Variants in ALLC observed in about 807,000 individuals in gnomAD.
ALLC encodes the protein probable inactive allantoicase.
In ALLC, 40 loss-of-function variants were observed where a neutral mutation model predicts 45.0. That is an observed-to-expected ratio of 0.89 (90% confidence interval 0.69 to 1.16). The LOEUF is 1.16. Among genes scored for constraint, ALLC ranks in the 50% most tolerant of loss-of-function variants. ALLC has a pLI of 0.00. For missense variants in ALLC, 488 were observed against 493.1 expected (o/e 0.99, Z 0.10); for synonymous variants, 176 against 178.1 (o/e 0.99, Z 0.09).
intron 7 of ALLC, chr2:3,695,238 A>C (rs1408321593): frequency 6.2e-6 from 1 of 161,852 alleles, no homozygotes; most frequent in Non-Finnish European, 1.4e-5. Flanking sequence ...GAGACGATAC[A>C]AGAGTGGTAC....
chr2:3,676,746 G>T (rs78688050), intron 3 of ALLC, among the ~76,000 whole-genome samples: 1 of 152,038 alleles, frequency 6.6e-6, no homozygotes. Flanking sequence ...GTGTGTGCAC[G>T]TGTGTCGGTT....
At chr2:3,693,668 G>A (rs1667579614) in intron 7 of ALLC, among the ~76,000 whole-genome samples, 1 of 152,218 alleles carries the variant, frequency 6.6e-6, no homozygotes, top group South Asian at 2.1e-4. Context: ...ATAACTATTT[G>A]TTGTTAGATT....
At chr2:3,670,777 ATC>A (rs1444108107) in intron 1 of ALLC, among the ~76,000 whole-genome samples, 1 of 152,090 alleles carries the variant, frequency 6.6e-6, no homozygotes, top group African/African-American at 2.4e-5. Flanking sequence ...AATTAAAATA[ATC>A]TCTCTCTTTT....
In ALLC at chr2:3,679,866, C is replaced by T. The variant is rs1667128514; in HGVS notation, c.173-3C>T. ...GACTGCTCTTGTCCTCTGTGTTGCG[C>T]AGGTCACGACTGGTGTGTCCTCAGG... is the stretch of plus-strand genomic sequence containing the variant. On this transcript the variant is annotated splice_region_variant and splice_polypyrimidine_tract_variant and intron_variant, in intron 4 of 11. Coordinates refer to ENST00000252505, the MANE Select transcript of ALLC (RefSeq NM_018436.4). 5.0e-6 allele frequency: 8 copies of T among 1,613,866 alleles called. No homozygotes were observed. Among genetic ancestry groups the T allele is most frequent in the Non-Finnish European group, 5.9e-6 (7 of 1,179,886 alleles).
the ALLC span, among the ~76,000 whole-genome samples, chr2:3,648,910 C>A: frequency 6.6e-6 from 1 of 152,192 alleles, no homozygotes; most frequent in Non-Finnish European, 1.5e-5. Flanking sequence ...CCCACTGGGG[C>A]CTTGTGAGGA....
rs1173613810 is a variant in ALLC, at chr2:3,668,566, C to CTTTTTTTTTTT, written c.-62-2513_-62-2503dup. 4.5e-4 allele frequency among the ~76,000 whole-genome samples: 32 copies of CTTTTTTTTTTT among 71,888 alleles called. 5 individuals carry two copies. Among genetic ancestry groups the CTTTTTTTTTTT allele is most frequent in the African/African-American group, 2.3e-3 (31 of 13,670 alleles). The allele number at this position is 71,888 out of a possible 152,430, so 47.2% of individuals were successfully genotyped here. On this transcript the variant is annotated intron_variant, in intron 1 of 11. Coordinates refer to ENST00000252505, the MANE Select transcript of ALLC (RefSeq NM_018436.4). ...TGTGTAATATGCATAATGTGTATGA[C>CTTTTTTTTTTT]TTTTTTTTTTTTTTTTTTTTTTTTT...
chr2:3,671,708 T>TTG (rs1666876271), intron 2 of ALLC, among the ~76,000 whole-genome samples: 2 of 125,644 alleles, frequency 1.6e-5, no homozygotes, highest in East Asian at 2.4e-4. Flanking sequence ...TAGTTAGACC[T>TTG]GTGGTCCTCT....
rs1173613810 is a variant in ALLC at position 3,668,566 on chromosome 2, C to CTTTTTTTTTTTTTTTTT, written c.-62-2519_-62-2503dup. ...TGTGTAATATGCATAATGTGTATGA[C>CTTTTTTTTTTTTTTTTT]TTTTTTTTTTTTTTTTTTTTTTTTT... On this transcript the variant is annotated intron_variant, in intron 1 of 11. Transcript: ENST00000252505. Among the ~76,000 whole-genome samples the CTTTTTTTTTTTTTTTTT allele has an allele frequency of 8.3e-5, 6 of 71,886 alleles. 1 individual carries two copies. The highest frequency in any genetic ancestry group is 3.7e-4 in the African/African-American group (5 of 13,668). 47.2% of individuals were successfully genotyped at this position (71,886 alleles called of 152,430 possible).
intron 1 of ALLC, among the ~76,000 whole-genome samples, chr2:3,659,075 C>T (rs1466140381): frequency 2.0e-5 from 3 of 152,070 alleles, no homozygotes. Context: ...TTGAACAAAC[C>T]ACTTTTATTA....
At chr2:3,676,918 G>T (rs1002308313) in intron 3 of ALLC, among the ~76,000 whole-genome samples, 1 of 151,988 alleles carries the variant, frequency 6.6e-6, no homozygotes, top group Non-Finnish European at 1.5e-5. Context: ...CTCCCAAGTA[G>T]CTGGGACTAC....
intron 6 of ALLC, among the ~76,000 whole-genome samples, chr2:3,681,961 C>G (rs1421185517): frequency 1.3e-5 from 2 of 152,112 alleles, no homozygotes; most frequent in Non-Finnish European, 2.9e-5. Flanking sequence ...GGCTGCTGGC[C>G]CCGATAAGCA....
chr2:3,686,032 G>A (rs2148011441), intron 7 of ALLC, among the ~76,000 whole-genome samples: 1 of 150,988 alleles, frequency 6.6e-6, no homozygotes, highest in Non-Finnish European at 1.5e-5. Flanking sequence ...TGCTTTTGAG[G>A]TCTTACACAC....
At chr2:3,701,087 T>C (rs914371027) in intron 10 of ALLC, among the ~76,000 whole-genome samples, 5 of 152,240 alleles carry the variant, frequency 3.3e-5, no homozygotes, top group Non-Finnish European at 5.9e-5. Flanking sequence ...AAACTCAGTA[T>C]TTCCTTTTGA....
intron 10 of ALLC, among the ~76,000 whole-genome samples, 166 bp downstream of exon 10, chr2:3,697,622 T>TCTAA (rs1667712319): frequency 1.8e-5 from 1 of 56,714 alleles, no homozygotes; most frequent in Admixed American, 1.7e-4. Context: ...TGTCTGTCTG[T>TCTAA]CTATCTATCT....
chr2:3,675,320 G>A (rs1666994330), intron 3 of ALLC, among the ~76,000 whole-genome samples: 1 of 149,912 alleles, frequency 6.7e-6, no homozygotes, highest in Admixed American at 6.7e-5. Context: ...AGCCCAAGAC[G>A]TTGAGGTTGC....
chr2:3,648,744 T>C, the ALLC span, among the ~76,000 whole-genome samples: 3 of 152,262 alleles, frequency 2.0e-5, no homozygotes, highest in African/African-American at 7.2e-5. Flanking sequence ...TGCAAATCCA[T>C]GTGGGCAGAC....
intron 1 of ALLC, among the ~76,000 whole-genome samples, chr2:3,666,678 G>A (rs147927263): frequency 6.6e-6 from 1 of 152,360 alleles, no homozygotes; most frequent in East Asian, 1.9e-4. Context: ...AGCACGCCGC[G>A]ATGCTGCTAC....
At chr2:3,683,176 G>T in intron 7 of ALLC, 102 bp downstream of exon 7, 1 of 1,289,632 alleles carries the variant, frequency 7.8e-7, no homozygotes, top group African/African-American at 1.5e-5. Context: ...CTTGGTAATT[G>T]ATCTCTCTAG....
At chr2:3,675,632 CAT>C (rs540797148) in intron 3 of ALLC, among the ~76,000 whole-genome samples, 186 of 152,060 alleles carry the variant, frequency 1.2e-3, no homozygotes, top group African/African-American at 4.2e-3. Flanking sequence ...TTACACACTA[CAT>C]ATGTGTATAT....
Sources: allele counts gnomAD v4.1 joint callset (sites outside exome capture counted in the v4.1 genomes callset), GRCh38; gene constraint gnomAD v4.1.1; transcripts MANE v1.5; gene names NCBI Gene and HGNC (gene_info 2026-07-23, HGNC 2026-07-21).